The following PGM2 variants were observed in gnomAD, a reference collection of about 807,000 sequenced individuals.
PGM2 encodes the protein phosphoglucomutase 2, also known as phosphopentomutase.
In PGM2, 57 loss-of-function variants were observed where a neutral mutation model predicts 74.6. The ratio of observed to expected loss-of-function variants is 0.76; its 90% CI spans 0.62 to 0.95. The LOEUF (loss-of-function observed/expected upper bound fraction) is 0.95. Ranked by LOEUF, PGM2 falls within the 40% of genes least tolerant of loss-of-function variation. The pLI, the probability that PGM2 is intolerant of heterozygous loss-of-function variation, is 0.00. For missense variants in PGM2, 706 were observed against 741.9 expected, an observed-to-expected ratio of 0.95 and a Z score of 0.56; for synonymous variants, 273 against 260.7, an observed-to-expected ratio of 1.05 and a Z score of -0.46.
intron 1 of PGM2, among the ~76,000 whole-genome samples, chr4:37,829,184 A>G (rs1037614440): frequency 1.3e-5 from 2 of 149,554 alleles, no homozygotes; most frequent in Non-Finnish European, 2.9e-5. Context: ...CAACTACCAT[A>G]CAAAAAAAAA....
At chr4:37,839,961 A>G in intron 5 of PGM2, 30 bp downstream of exon 5, 1 of 1,493,404 alleles carries the variant, frequency 6.7e-7, no homozygotes, top group South Asian at 1.1e-5. Context: ...CCACACGTAC[A>G]TCCTTCTGTA....
intron 3 of PGM2, among the ~76,000 whole-genome samples, chr4:37,835,581 A>G (rs1725546766): frequency 6.6e-6 from 1 of 152,214 alleles, no homozygotes; most frequent in Non-Finnish European, 1.5e-5. Context: ...TAATCATTCT[A>G]GAGTATCAGT....
chr4:37,844,382 A>G lies in PGM2; in HGVS notation c.738A>G (p.Thr246=), dbSNP rs1231716053. 23 of 1,608,548 alleles carry G rather than the reference A, an allele frequency of 1.4e-5. No individual in the cohort carries two copies. The South Asian group carries it at 2.4e-4, about 17-fold the overall frequency. The change falls in exon 7 of 14, where the codon ACA becomes ACG. Residue 246 remains threonine (T), a synonymous_variant. Coordinates refer to ENST00000381967, the MANE Select transcript of PGM2 (RefSeq NM_018290.4). Reference sequence around the variant, plus strand: ...ATTCTAGGAGCGTGAACAGGGAGACAAAGGTGAAGTTTGTGCACACCTCTG... The same window carrying G: ...ATTCTAGGAGCGTGAACAGGGAGACGAAGGTGAAGTTTGTGCACACCTCTG... ...YCFHRSVNRE[T]KVKFVHTSVH...
chr4:37,853,864 A>G (rs1450713668), intron 12 of PGM2, among the ~76,000 whole-genome samples: 1 of 152,180 alleles, frequency 6.6e-6, no homozygotes, highest in Non-Finnish European at 1.5e-5. Flanking sequence ...AATTTAAACC[A>G]TCTCCTGCAG....
intron 13 of PGM2, 93 bp from the exon 14 acceptor site, chr4:37,861,417 T>C (rs991580219): frequency 2.7e-6 from 2 of 753,292 alleles, no homozygotes; most frequent in Non-Finnish European, 2.3e-6. Context: ...CTTAAGGTTA[T>C]ATTTTCATTG....
chr4:37,835,107 T>C (rs1251087689), intron 3 of PGM2, among the ~76,000 whole-genome samples: 1 of 152,198 alleles, frequency 6.6e-6, no homozygotes, highest in Non-Finnish European at 1.5e-5. Context: ...TGGGACTCTC[T>C]TATGTAGCTG....
chr4:37,833,744 T>C (rs1725494747), intron 2 of PGM2, among the ~76,000 whole-genome samples: 2 of 152,222 alleles, frequency 1.3e-5, no homozygotes. Context: ...ACTTAGTTGG[T>C]GTTGAATTCT....
intron 2 of PGM2, among the ~76,000 whole-genome samples, chr4:37,833,460 C>T (rs1319067493): frequency 6.6e-6 from 1 of 152,142 alleles, no homozygotes; most frequent in Non-Finnish European, 1.5e-5. Flanking sequence ...CCTCAGGAGG[C>T]TGAGGTGAGA....
intron 13 of PGM2, among the ~76,000 whole-genome samples, chr4:37,856,493 A>C (rs1401149340): frequency 6.6e-6 from 1 of 152,178 alleles, no homozygotes; most frequent in Non-Finnish European, 1.5e-5. Context: ...GGGGGCACAG[A>C]GAGCCTCATC....
At chr4:37,857,421 T>C (rs1278378866) in intron 13 of PGM2, among the ~76,000 whole-genome samples, 1 of 152,114 alleles carries the variant, frequency 6.6e-6, no homozygotes, top group Non-Finnish European at 1.5e-5. Flanking sequence ...TGTAGCAAAT[T>C]AGAGGAATGG....
intron 1 of PGM2, 143 bp from the exon 2 acceptor site, chr4:37,829,821 A>G: frequency 3.7e-6 from 1 of 270,088 alleles, no homozygotes; most frequent in Middle Eastern, 1.2e-3. Flanking sequence ...TCAGATTTCA[A>G]AAGCATCAGA....
At chr4:37,842,572 TGGAAA>T (rs2152177621) in intron 6 of PGM2, among the ~76,000 whole-genome samples, 1 of 151,814 alleles carries the variant, frequency 6.6e-6, no homozygotes. Flanking sequence ...TTTGACTAAT[TGGAAA>T]GGTCACCTTT....
At position 37,850,171 on chromosome 4, in the gene PGM2, A is replaced by G. The variant is rs971957848; in HGVS notation, c.1413-13A>G. ...TTGTTCCTCATGTGCATGAATTTGT[A>G]TTTGTTTGATAGGTATGGCTACCAT... On this transcript the variant is annotated splice_polypyrimidine_tract_variant and intron_variant, in intron 11 of 13. Transcript: ENST00000381967. 2 of 1,457,742 alleles carry G rather than the reference A, an allele frequency of 1.4e-6. No individual in the cohort carries two copies. The highest frequency in any genetic ancestry group is 1.9e-6 in the Non-Finnish European group (2 of 1,069,092). The allele number at this position is 1,457,742 out of a possible 1,614,324, so 90.3% of individuals were successfully genotyped here. A position where few individuals can be genotyped will look rare whatever the true frequency, so the allele number is the denominator to read the frequency against.
At chr4:37,835,540 C>T (rs1725545849) in intron 3 of PGM2, among the ~76,000 whole-genome samples, 1 of 152,218 alleles carries the variant, frequency 6.6e-6, no homozygotes, top group African/African-American at 2.4e-5. Flanking sequence ...CTCTTTTTTA[C>T]TTGAACACTT....
chr4:37,841,609 C>T (rs896903154), intron 6 of PGM2, among the ~76,000 whole-genome samples: 5 of 152,148 alleles, frequency 3.3e-5, no homozygotes, highest in Admixed American at 3.3e-4. Flanking sequence ...TCTCCTCTTC[C>T]CAAAATAACT....
chr4:37,850,757 G>A (rs1237034194), intron 12 of PGM2, among the ~76,000 whole-genome samples: 20 of 152,042 alleles, frequency 1.3e-4, no homozygotes, highest in Admixed American at 6.5e-4. Context: ...TTGGGAGGCC[G>A]AGGCAGGTGG....
intron 6 of PGM2, 142 bp downstream of exon 6, chr4:37,840,401 T>G (rs1294563742): frequency 1.5e-5 from 9 of 605,860 alleles, no homozygotes; most frequent in African/African-American, 1.5e-4. Flanking sequence ...TTACTTATTT[T>G]GAGACAGGGT....
At chr4:37,841,391 C>CTGATTGT (rs1245502504) in intron 6 of PGM2, among the ~76,000 whole-genome samples, 2 of 151,810 alleles carry the variant, frequency 1.3e-5, no homozygotes, top group African/African-American at 2.4e-5. Flanking sequence ...TAGGTCCCAC[C>CTGATTGT]CCTCCTGATT....
chr4:37,848,890 T>C (rs529930269), intron 11 of PGM2, among the ~76,000 whole-genome samples: 1 of 152,110 alleles, frequency 6.6e-6, no homozygotes, highest in African/African-American at 2.4e-5. Flanking sequence ...TCCAACATGG[T>C]GAAACCCCGT....
Sources: gnomAD v4.1 joint callset for allele counts (sites outside exome capture counted in the v4.1 genomes callset) on GRCh38, gnomAD v4.1.1 for gene constraint, MANE v1.5 for transcripts, NCBI Gene and HGNC (gene_info 2026-07-23, HGNC 2026-07-21) for gene names.